SULT1E1: variants seen among roughly 807,000 people sequenced by gnomAD.
The protein encoded by SULT1E1 is sulfotransferase 1E1.
A neutral mutation model predicts 33.6 loss-of-function variants in SULT1E1; 36 were observed. That is an observed-to-expected ratio of 1.07 (90% CI 0.82 to 1.41). The LOEUF (loss-of-function observed/expected upper bound fraction) is 1.41, where lower values mean the gene tolerates loss of function less well. Among genes scored for constraint, SULT1E1 ranks in the 40% most tolerant of loss-of-function variants. The pLI, the probability that SULT1E1 is intolerant of heterozygous loss-of-function variation, is 0.00. For synonymous variants in SULT1E1, 121 were observed against 111.7 expected (o/e 1.08, Z -0.53); for missense variants, 371 against 345.7 (o/e 1.07, Z -0.58).
downstream of SULT1E1, among the ~76,000 whole-genome samples, chr4:69,839,040 A>T (rs946103139): frequency 6.6e-5 from 10 of 152,204 alleles, no homozygotes; most frequent in Non-Finnish European, 1.0e-4. Context: ...TACTTCATTT[A>T]TTCGTTGCTC....
At chr4:69,831,942 C>T in the SULT1E1 span, among the ~76,000 whole-genome samples, 1 of 152,180 alleles carries the variant, frequency 6.6e-6, no homozygotes, top group African/African-American at 2.4e-5. Context: ...CACACACTTC[C>T]CCTCTCCCAG....
rs1020568528 is a variant in SULT1E1, at chr4:69,842,019, G to A, written c.860C>T (p.Thr287Ile). The A allele has an allele frequency of 3.7e-6, 6 of 1,609,506 alleles. No homozygotes were observed. In the African/African-American group the frequency reaches 4.0e-5, roughly 11 times the overall value. The change falls in exon 8 of 8, where the codon ACA (threonine) becomes ATA (isoleucine). Residue 287 changes from threonine (T) to isoleucine (I), a missense_variant. Physicochemically the swap from Thr to Ile is moderately conservative, Grantham distance 89. Transcript: ENST00000226444. Reference protein sequence around the residue: ...KHYEQQMKESTLKFRTEI With the variant: ...KHYEQQMKESILKFRTEI ...TTAGATCTCAGTTCGAAACTTCAGT[G>A]TAGATTCCTTCATTTGCTGCTCATA...
chr4:69,827,332 T>G, the SULT1E1 span, among the ~76,000 whole-genome samples: 1 of 152,158 alleles, frequency 6.6e-6, no homozygotes, highest in Admixed American at 6.5e-5. Flanking sequence ...ACAAATTCCC[T>G]ACTGGTCAGC....
At chr4:69,851,262 TCAAACAAATTTA>T (rs1026215405) in intron 4 of SULT1E1, among the ~76,000 whole-genome samples, 1 of 151,862 alleles carries the variant, frequency 6.6e-6, no homozygotes, top group Non-Finnish European at 1.5e-5. Context: ...TACAAAAAAC[TCAAACAAATTTA>T]CAAGAAAAAA....
downstream of SULT1E1, among the ~76,000 whole-genome samples, chr4:69,836,810 T>C (rs1720804806): frequency 6.6e-6 from 1 of 152,250 alleles, no homozygotes; most frequent in Admixed American, 6.5e-5. Flanking sequence ...ATCATGCTTT[T>C]ATCATGATGA....
At chr4:69,854,367 TG>T (rs1721192693) in intron 3 of SULT1E1, 53 bp from the exon 4 acceptor site, 15 of 1,133,106 alleles carry the variant, frequency 1.3e-5, no homozygotes, top group Non-Finnish European at 1.8e-5. Context: ...TAACTATTTA[TG>T]TGGATTTATA....
At chr4:69,837,377 A>G (rs10029644), downstream of SULT1E1, among the ~76,000 whole-genome samples, 298 of 152,006 alleles carry the variant, frequency 2.0e-3, 2 homozygotes, top group African/African-American at 7.0e-3. Flanking sequence ...AATAATAATT[A>G]TTATTCTTAT....
At chr4:69,850,403 C>T (rs1311685141) in intron 4 of SULT1E1, among the ~76,000 whole-genome samples, 1 of 152,046 alleles carries the variant, frequency 6.6e-6, no homozygotes, top group Non-Finnish European at 1.5e-5. Context: ...TGAGTATCCA[C>T]TGTTTATGGA....
intron 6 of SULT1E1, among the ~76,000 whole-genome samples, chr4:69,846,901 T>C (rs1164807198): frequency 6.6e-6 from 1 of 151,798 alleles, no homozygotes. Context: ...TTTAAGGCCA[T>C]AAAAAATTTG....
intron 4 of SULT1E1, among the ~76,000 whole-genome samples, chr4:69,851,146 C>A (rs1159262863): frequency 6.6e-6 from 1 of 152,082 alleles, no homozygotes; most frequent in African/African-American, 2.4e-5. Flanking sequence ...AACTAAAGAG[C>A]TTCTGCACAG....
Position 69,848,505 on chromosome 4 carries a change from C to T in SULT1E1, c.497-713G>A, listed in dbSNP as rs188976034. 3.9e-4 allele frequency among the ~76,000 whole-genome samples: 59 copies of T among 152,010 alleles called. 2 individuals are homozygous for T. In the East Asian group the frequency reaches 6.0e-3, roughly 15 times the overall value. On this transcript the variant is annotated intron_variant, in intron 5 of 7. Transcript: ENST00000226444. ...ATTGTATGCCTCCTCTGTTCTTTGA[C>T]TCCATTAGGGAATTTTTCCTTACAG...
downstream of SULT1E1, among the ~76,000 whole-genome samples, chr4:69,837,731 A>C (rs1720817136): frequency 6.6e-6 from 1 of 152,148 alleles, no homozygotes; most frequent in Non-Finnish European, 1.5e-5. Context: ...GGGTCTCACT[A>C]TGTTGCCCAA....
At chr4:69,846,919 A>AT (rs1169443239) in intron 6 of SULT1E1, among the ~76,000 whole-genome samples, 1 of 151,770 alleles carries the variant, frequency 6.6e-6, no homozygotes, top group African/African-American at 2.4e-5. Context: ...TTGTGTATTG[A>AT]TATTTTAGCA....
chr4:69,846,082 A>G (rs1293228895), intron 6 of SULT1E1, among the ~76,000 whole-genome samples: 3 of 150,664 alleles, frequency 2.0e-5, no homozygotes, highest in Admixed American at 2.0e-4. Context: ...AAAGGATAAG[A>G]AAATAGAGAA....
downstream of SULT1E1, among the ~76,000 whole-genome samples, chr4:69,840,876 C>A (rs1347568023): frequency 6.6e-6 from 1 of 152,082 alleles, no homozygotes; most frequent in East Asian, 1.9e-4. Flanking sequence ...GAAACCCCGT[C>A]TCTACTAAAA....
At chr4:69,830,558 C>A in the SULT1E1 span, among the ~76,000 whole-genome samples, 1 of 152,196 alleles carries the variant, frequency 6.6e-6, no homozygotes, top group Admixed American at 6.5e-5. Context: ...TTAGCCCATG[C>A]AGGATTGCCT....
chr4:69,855,535 T>A, intron 2 of SULT1E1, 109 bp from the exon 3 acceptor site: 2 of 1,094,532 alleles, frequency 1.8e-6, no homozygotes, highest in Non-Finnish European at 2.5e-6. Flanking sequence ...CAATACTATT[T>A]AAAGGGTGTC....
the SULT1E1 span, among the ~76,000 whole-genome samples, chr4:69,834,926 A>T: frequency 2.6e-5 from 4 of 151,922 alleles, no homozygotes; most frequent in African/African-American, 9.7e-5. Context: ...TTATCATGAT[A>T]CTCCACTGAA....
chr4:69,842,269 A>G (rs929788480), intron 7 of SULT1E1, among the ~76,000 whole-genome samples, 163 bp from the exon 8 acceptor site: 6 of 152,192 alleles, frequency 3.9e-5, no homozygotes, highest in African/African-American at 1.2e-4. Flanking sequence ...TTTTGGGCTT[A>G]CAAAGATGGA....
Sources: allele counts gnomAD v4.1 joint callset (sites outside exome capture counted in the v4.1 genomes callset), GRCh38; gene constraint gnomAD v4.1.1; transcripts MANE v1.5; gene names NCBI Gene and HGNC (gene_info 2026-07-23, HGNC 2026-07-21).